The following FANCL variants were observed in gnomAD, a reference collection of about 807,000 sequenced individuals.
FANCL encodes the protein FA complementation group L.
A neutral mutation model predicts 59.4 loss-of-function variants in FANCL; 69 were observed. That is an observed-to-expected ratio of 1.16 (90% CI 0.96 to 1.42). The LOEUF is 1.42. FANCL is among the 40% of genes most tolerant of loss of function. FANCL has a pLI of 0.00. For synonymous variants in FANCL, 180 were observed against 147.1 expected (o/e 1.22, Z -1.62); for missense variants, 519 against 447.2 (o/e 1.16, Z -1.45).
intron 5 of FANCL, among the ~76,000 whole-genome samples, chr2:58,218,854 A>C (rs1692116066): frequency 6.6e-6 from 1 of 151,966 alleles, no homozygotes; most frequent in Non-Finnish European, 1.5e-5. Flanking sequence ...TGTAGACATC[A>C]GTATAAAATC....
chr2:58,166,090 AAG>A (rs1685924435), intron 7 of FANCL, among the ~76,000 whole-genome samples: 2 of 152,142 alleles, frequency 1.3e-5, no homozygotes. Context: ...ACACCTGAGA[AAG>A]AATGGTTTTT....
intron 12 of FANCL, among the ~76,000 whole-genome samples, chr2:58,160,880 G>C (rs574659785): frequency 6.6e-6 from 1 of 151,902 alleles, no homozygotes; most frequent in Non-Finnish European, 1.5e-5. Context: ...GACTGAAACC[G>C]AAGGCAACAT....
At chr2:58,168,211 G>A (rs1024257120) in intron 7 of FANCL, among the ~76,000 whole-genome samples, 1 of 152,170 alleles carries the variant, frequency 6.6e-6, no homozygotes, top group Admixed American at 6.5e-5. Context: ...CGAGATCAAG[G>A]CAGAAGGCAG....
At chr2:58,161,252 T>A (rs1685114607) in intron 12 of FANCL, among the ~76,000 whole-genome samples, 1 of 152,014 alleles carries the variant, frequency 6.6e-6, no homozygotes, top group Non-Finnish European at 1.5e-5. Context: ...TACCATCAAT[T>A]TAATTTGTTA....
intron 6 of FANCL, among the ~76,000 whole-genome samples, chr2:58,199,436 C>G (rs1689774444): frequency 6.6e-6 from 1 of 151,898 alleles, no homozygotes; most frequent in African/African-American, 2.4e-5. Flanking sequence ...ATATAGCTGT[C>G]AATTTAAAAA....
chr2:58,229,500 G>C (rs1426410549), intron 3 of FANCL, among the ~76,000 whole-genome samples: 3 of 152,048 alleles, frequency 2.0e-5, no homozygotes, highest in Non-Finnish European at 4.4e-5. Context: ...CTCTAAATGG[G>C]TCTGATTTTT....
intron 7 of FANCL, among the ~76,000 whole-genome samples, chr2:58,183,113 G>A (rs1303344965): frequency 6.6e-6 from 1 of 151,430 alleles, no homozygotes; most frequent in African/African-American, 2.4e-5. Flanking sequence ...TGAAACAATA[G>A]CAAAATATCT....
chr2:58,232,029 C>A (rs370676351), intron 2 of FANCL, 25 bp downstream of exon 2: 1 of 1,606,832 alleles, frequency 6.2e-7, no homozygotes, highest in Non-Finnish European at 8.5e-7. Flanking sequence ...CAAAAATGCA[C>A]GTTTATAACT....
At position 58,159,763 on chromosome 2, in the gene FANCL, T is replaced by C. The variant is rs772396790; in HGVS notation, c.*2A>G. The stretch of plus-strand genomic sequence containing the variant: ...TCTTCACCGAAATGTTGTATTCTTA[T>C]TTCAGTGTTTCCTTCCAGACATTTT... On this transcript the variant is annotated 3_prime_UTR_variant, in exon 14 of 14. Coordinates refer to ENST00000233741, the MANE Select transcript of FANCL (RefSeq NM_018062.4). The C allele has an allele frequency of 3.7e-6, 6 of 1,613,194 alleles. No homozygotes were observed. Among genetic ancestry groups the C allele is most frequent in the Admixed American group, 1.7e-5 (1 of 59,946 alleles).
At chr2:58,212,959 C>A (rs534711273) in intron 5 of FANCL, among the ~76,000 whole-genome samples, 1 of 152,094 alleles carries the variant, frequency 6.6e-6, no homozygotes. Flanking sequence ...TTAAATATTT[C>A]TTTTTCTTTT....
At chr2:58,232,463 A>G in intron 1 of FANCL, among the ~76,000 whole-genome samples, 1 of 152,096 alleles carries the variant, frequency 6.6e-6, no homozygotes. Context: ...AATTTATGAA[A>G]AAAGAAATTC....
intron 6 of FANCL, among the ~76,000 whole-genome samples, chr2:58,200,783 A>T (rs893109480): frequency 3.9e-5 from 6 of 151,912 alleles, no homozygotes; most frequent in African/African-American, 1.4e-4. Context: ...ATATGATCCT[A>T]CATATATAAA....
intron 7 of FANCL, among the ~76,000 whole-genome samples, chr2:58,181,839 A>G (rs1274671454): frequency 1.3e-5 from 2 of 151,964 alleles, no homozygotes; most frequent in East Asian, 1.9e-4. Flanking sequence ...GTTATTTGTT[A>G]TAACTGAGAA....
intron 5 of FANCL, among the ~76,000 whole-genome samples, chr2:58,206,579 T>C (rs993954235): frequency 6.6e-6 from 1 of 152,186 alleles, no homozygotes; most frequent in Admixed American, 6.5e-5. Flanking sequence ...AAAATCATTT[T>C]TTAACATCTA....
At chr2:58,224,286 A>G (rs964697321) in intron 4 of FANCL, among the ~76,000 whole-genome samples, 2 of 151,858 alleles carry the variant, frequency 1.3e-5, no homozygotes, top group Non-Finnish European at 3.0e-5. Flanking sequence ...AAATTATAAT[A>G]AAAAGATAAA....
chr2:58,166,692 T>A (rs566591193), intron 7 of FANCL, among the ~76,000 whole-genome samples: 1 of 152,344 alleles, frequency 6.6e-6, no homozygotes, highest in Non-Finnish European at 1.5e-5. Context: ...TAAAGTCACA[T>A]ACTACAAACG....
intron 1 of FANCL, among the ~76,000 whole-genome samples, chr2:58,240,956 G>C (rs1335767212): frequency 2.0e-5 from 3 of 152,202 alleles, no homozygotes; most frequent in Non-Finnish European, 4.4e-5. Flanking sequence ...CCAAACTCGG[G>C]GAAGGGCTAG....
In FANCL at chr2:58,162,872, T is replaced by C; in HGVS notation, c.897A>G (p.Glu299=). ...EIDFPARAIL[E]KSDFTMDCGI... The stretch of plus-strand genomic sequence containing the variant: ...AAACACTGATAAAACTTACAGATTT[T>C]TCCAGGATAGCACGAGCTGGAAAAT... Residue 299 remains glutamate, a synonymous_variant, in exon 11 of 14, where the codon GAA becomes GAG. Transcript: ENST00000233741. 6.2e-7 allele frequency: 1 copy of C among 1,611,792 alleles called. No homozygotes were observed. Among genetic ancestry groups the C allele is most frequent in the Non-Finnish European group, 8.5e-7 (1 of 1,178,432 alleles).
rs185098777 is a variant in FANCL, at chr2:58,194,141, A to G, written c.540+4453T>C. The G allele has an allele frequency of 1.4e-4, 65 of 450,124 alleles. 1 individual carries two copies. The East Asian group carries it at 2.8e-3, about 20-fold the overall frequency. The allele number at this position is 450,124 out of a possible 1,614,324, so 27.9% of individuals were successfully genotyped here. A position where few individuals can be genotyped will look rare whatever the true frequency, so the allele number is the denominator to read the frequency against. On this transcript the variant is annotated intron_variant, in intron 7 of 13. Transcript: ENST00000233741. ...TCCATGATAAAAAAATATAAAGACC[A>G]CTATTTACTACACCACACTGAACCT...
Sources: gnomAD v4.1 joint callset for allele counts (sites outside exome capture counted in the v4.1 genomes callset) on GRCh38, gnomAD v4.1.1 for gene constraint, MANE v1.5 for transcripts, NCBI Gene and HGNC (gene_info 2026-07-23, HGNC 2026-07-21) for gene names.